Variants in TENM3 observed in about 807,000 individuals in gnomAD.
TENM3 encodes teneurin-3.
A neutral mutation model predicts 255.1 loss-of-function variants in TENM3; 63 were observed. The ratio of observed to expected loss-of-function variants is 0.25; its 90% CI spans 0.20 to 0.30. The LOEUF (loss-of-function observed/expected upper bound fraction) is 0.30. TENM3 is among the 10% of genes least tolerant of loss of function. The probability of loss-of-function intolerance (pLI) is 1.00; values close to 1 mark genes in which losing one functional copy is unlikely to be tolerated. For synonymous variants in TENM3, 1,306 were observed against 1,322.3 expected (o/e 0.99, Z 0.27); for missense variants, 2,929 against 3,461.1 (o/e 0.85, Z 3.86).
intron 3 of TENM3, among the ~76,000 whole-genome samples, chr4:182,497,182 T>C (rs1422618215): frequency 1.3e-5 from 2 of 151,998 alleles, no homozygotes; most frequent in Non-Finnish European, 2.9e-5. Flanking sequence ...GCCTCCCAAG[T>C]AGCTGGGACT....
Position 182,396,589 on chromosome 4 carries a change from T to C in TENM3, c.511+49660T>C, listed in dbSNP as rs80287479. Among the ~76,000 whole-genome samples, 618 of 152,326 alleles carry C rather than the reference T, an allele frequency of 4.1e-3. 22 individuals carry two copies. The East Asian group carries it at 0.074, about 18-fold the overall frequency. ...TTGAGGTGGAAGTCTTTTACTTTGATCATTTTTAAATAAAAGAGATTTTGT... is the reference window on the plus strand; with the variant it reads ...TTGAGGTGGAAGTCTTTTACTTTGACCATTTTTAAATAAAAGAGATTTTGT... On this transcript the variant is annotated intron_variant, in intron 3 of 27. Coordinates refer to ENST00000511685, the MANE Select transcript of TENM3 (RefSeq NM_001080477.4).
At chr4:182,525,849 TATTCAAGCCTCATGAG>T (rs1302708748) in intron 3 of TENM3, among the ~76,000 whole-genome samples, 1 of 152,222 alleles carries the variant, frequency 6.6e-6, no homozygotes, top group Non-Finnish European at 1.5e-5. Context: ...AATATGGAAA[TATTCAAGCCTCATGAG>T]AGGACATAAT....
chr4:181,957,049 G>C, the TENM3 span, among the ~76,000 whole-genome samples: 3 of 152,050 alleles, frequency 2.0e-5, no homozygotes, highest in African/African-American at 7.2e-5. Flanking sequence ...ATTTTTGCTT[G>C]TTGATTTCAG....
intron 3 of TENM3, among the ~76,000 whole-genome samples, chr4:182,587,483 G>A (rs1183817389): frequency 6.6e-6 from 1 of 152,196 alleles, no homozygotes; most frequent in African/African-American, 2.4e-5. Flanking sequence ...GGAGGCTGAG[G>A]CAAGAGAATT....
chr4:181,829,026 G>A, the TENM3 span, among the ~76,000 whole-genome samples: 14 of 152,308 alleles, frequency 9.2e-5, no homozygotes, highest in East Asian at 3.9e-4. Flanking sequence ...ACATGGACCC[G>A]TTGCACTGCT....
chr4:181,785,125 T>C, the TENM3 span, among the ~76,000 whole-genome samples: 4 of 152,108 alleles, frequency 2.6e-5, no homozygotes, highest in African/African-American at 9.7e-5. Context: ...CTGAGCTGAA[T>C]AGTGAATGAA....
At chr4:182,459,105 A>G (rs1774125096) in intron 3 of TENM3, among the ~76,000 whole-genome samples, 1 of 152,232 alleles carries the variant, frequency 6.6e-6, no homozygotes, top group South Asian at 2.1e-4. Flanking sequence ...ATACCAATTT[A>G]ACTAGTTTGA....
At chr4:182,796,014 C>G (rs1205052773) in intron 26 of TENM3, among the ~76,000 whole-genome samples, 1 of 152,178 alleles carries the variant, frequency 6.6e-6, no homozygotes, top group Non-Finnish European at 1.5e-5. Context: ...TTTCCGGGTT[C>G]TCTCCCCAAA....
At chr4:181,819,263 C>G in the TENM3 span, among the ~76,000 whole-genome samples, 1 of 152,094 alleles carries the variant, frequency 6.6e-6, no homozygotes, top group Admixed American at 6.5e-5. Context: ...TTTGCCCCCC[C>G]AATCGGCCTA....
the TENM3 span, among the ~76,000 whole-genome samples, chr4:181,506,884 T>TA: frequency 6.6e-6 from 1 of 152,134 alleles, no homozygotes; most frequent in African/African-American, 2.4e-5. Context: ...CTAAAACTAT[T>TA]ACAAATAGTG....
intron 3 of TENM3, among the ~76,000 whole-genome samples, chr4:182,549,458 AT>A (rs1252520522): frequency 6.6e-6 from 1 of 152,120 alleles, no homozygotes; most frequent in Non-Finnish European, 1.5e-5. Context: ...ATCTGATCGG[AT>A]TTCAGAACTC....
chr4:182,687,068 A>G (rs1193434877), intron 11 of TENM3, among the ~76,000 whole-genome samples: 6 of 152,138 alleles, frequency 3.9e-5, no homozygotes, highest in Non-Finnish European at 8.8e-5. Flanking sequence ...TGTCTGAGAA[A>G]TGTTACCTGG....
At chr4:182,003,193 C>T in the TENM3 span, among the ~76,000 whole-genome samples, 1 of 152,082 alleles carries the variant, frequency 6.6e-6, no homozygotes, top group African/African-American at 2.4e-5. Context: ...TCTTGTAGTT[C>T]AGCATCTCTC....
At chr4:182,773,055 T>C (rs765445831) in intron 22 of TENM3, among the ~76,000 whole-genome samples, 1 of 152,252 alleles carries the variant, frequency 6.6e-6, no homozygotes, top group Non-Finnish European at 1.5e-5. Context: ...AAACATACTG[T>C]ACTGTACTGC....
intron 3 of TENM3, among the ~76,000 whole-genome samples, chr4:182,488,473 C>CAT (rs5864788): frequency 0.4 from 61,229 of 151,766 alleles, 12,812 homozygotes; most frequent in Non-Finnish European, 0.45. Context: ...TTTTGTTCTG[C>CAT]ATACAAATAG....
intron 1 of TENM3, among the ~76,000 whole-genome samples, chr4:182,297,324 A>G (rs1489286448): frequency 1.3e-5 from 2 of 152,224 alleles, no homozygotes; most frequent in Non-Finnish European, 2.9e-5. Context: ...GCAGTTTCCT[A>G]TGGTCCACCC....
the TENM3 span, among the ~76,000 whole-genome samples, chr4:181,932,446 A>G: frequency 1.3e-5 from 2 of 152,268 alleles, no homozygotes; most frequent in Non-Finnish European, 2.9e-5. Flanking sequence ...GAGAAATGCA[A>G]ATCAAAACCA....
chr4:182,665,255 G>GCACA lies in TENM3; in HGVS notation c.1112-7750_1112-7749insCACA, dbSNP rs1754569279. ...CTACTCTGCCTGTGCTCTATAAATG[G>GCACA]AACAACAAAGCCTGGATGACAGCAC... On this transcript the variant is annotated intron_variant, in intron 6 of 27. Coordinates refer to ENST00000511685, the MANE Select transcript of TENM3 (RefSeq NM_001080477.4). Among the ~76,000 whole-genome samples, 3 of 152,244 alleles carry GCACA rather than the reference G, an allele frequency of 2.0e-5. No homozygotes were observed. The East Asian group carries it at 5.8e-4, about 29-fold the overall frequency.
the TENM3 span, among the ~76,000 whole-genome samples, chr4:181,763,971 C>T: frequency 6.6e-6 from 1 of 152,056 alleles, no homozygotes; most frequent in Non-Finnish European, 1.5e-5. Flanking sequence ...GTGTTTGTTG[C>T]CTAGAGCTGA....
Sources: gnomAD v4.1 joint callset for allele counts (sites outside exome capture counted in the v4.1 genomes callset) on GRCh38, gnomAD v4.1.1 for gene constraint, MANE v1.5 for transcripts, NCBI Gene and HGNC (gene_info 2026-07-23, HGNC 2026-07-21) for gene names.